The following HLCS variants were observed in gnomAD, a reference collection of about 807,000 sequenced individuals.
The protein encoded by HLCS is biotin--protein ligase.
A neutral mutation model predicts 75.0 loss-of-function variants in HLCS; 53 were observed. The ratio of observed to expected loss-of-function variants is 0.71; its 90% CI spans 0.57 to 0.89. The LOEUF (loss-of-function observed/expected upper bound fraction) is 0.89. Ranked by LOEUF, HLCS falls within the 40% of genes least tolerant of loss-of-function variation. HLCS has a pLI of 0.00. For missense variants in HLCS, 966 were observed against 1,074.0 expected (o/e 0.90, Z 1.41); for synonymous variants, 431 against 428.6 (o/e 1.01, Z -0.07).
intron 6 of HLCS, among the ~76,000 whole-genome samples, chr21:36,872,044 T>C (rs2063787143): frequency 6.6e-6 from 1 of 152,208 alleles, no homozygotes; most frequent in African/African-American, 2.4e-5. Flanking sequence ...TATACTTGCT[T>C]TAGTACATAT....
chr21:36,854,109 T>G (rs1405105642), intron 6 of HLCS, among the ~76,000 whole-genome samples: 1 of 152,224 alleles, frequency 6.6e-6, no homozygotes, highest in Non-Finnish European at 1.5e-5. Context: ...GGTATGGCAT[T>G]TAAATTCATT....
intron 6 of HLCS, among the ~76,000 whole-genome samples, chr21:36,868,921 A>G (rs1169490131): frequency 1.3e-5 from 2 of 152,076 alleles, no homozygotes; most frequent in African/African-American, 4.8e-5. Context: ...GCCATCAGGT[A>G]TAGTACAACC....
At chr21:36,987,034 C>T (rs1185099108) in intron 1 of HLCS, among the ~76,000 whole-genome samples, 1 of 152,084 alleles carries the variant, frequency 6.6e-6, no homozygotes, top group Non-Finnish European at 1.5e-5. Flanking sequence ...CAAATTGTTC[C>T]AGGTTTGGCC....
At chr21:36,965,440 C>T (rs1240149655) in intron 1 of HLCS, among the ~76,000 whole-genome samples, 1 of 152,166 alleles carries the variant, frequency 6.6e-6, no homozygotes, top group East Asian at 1.9e-4. Context: ...CTATTGTTCC[C>T]TTTACAGCAA....
chr21:36,877,292 AT>A (rs2064019218), intron 6 of HLCS, among the ~76,000 whole-genome samples: 1 of 150,344 alleles, frequency 6.7e-6, no homozygotes, highest in African/African-American at 2.5e-5. Flanking sequence ...GTTAATTTTT[AT>A]TTTTTTCTCT....
chr21:36,930,429 T>A lies in HLCS; in HGVS notation c.1442A>T (p.His481Leu). 2.5e-6 allele frequency: 4 copies of A among 1,613,744 alleles called. No individual in the cohort carries two copies. The South Asian group carries it at 3.3e-5, about 13-fold the overall frequency. The stretch of plus-strand genomic sequence containing the variant: ...GTTGGAGCTGGGAGGTAGTTCTAAG[T>A]GCACCTGAAGGGGAAAGATAGCACT... ...RGGEAVLCQV[H>L]LELPPSSNIV... The change falls in exon 5 of 11, where the codon CAC (histidine) becomes CTC (leucine). Residue 481 changes from histidine to leucine, a missense_variant. Transcript: ENST00000674895.
intron 2 of HLCS, among the ~76,000 whole-genome samples, chr21:36,959,010 G>T (rs2068126927): frequency 6.6e-6 from 1 of 152,208 alleles, no homozygotes; most frequent in Non-Finnish European, 1.5e-5. Flanking sequence ...GAACCAGGGG[G>T]AGCTGGGAGC....
intron 6 of HLCS, among the ~76,000 whole-genome samples, chr21:36,890,108 G>A (rs1601642275): frequency 6.6e-6 from 1 of 152,178 alleles, no homozygotes; most frequent in East Asian, 1.9e-4. Context: ...TTGTGAAGAA[G>A]GTGCCTTGCT....
chr21:36,809,969 G>A (rs1044679469), intron 6 of HLCS, among the ~76,000 whole-genome samples: 1 of 152,186 alleles, frequency 6.6e-6, no homozygotes, highest in Non-Finnish European at 1.5e-5. Flanking sequence ...AGACTCTGAG[G>A]TGGGCTCAAG....
At chr21:36,805,385 G>A (rs2061331947) in intron 6 of HLCS, among the ~76,000 whole-genome samples, 2 of 152,190 alleles carry the variant, frequency 1.3e-5, no homozygotes, top group African/African-American at 4.8e-5. Flanking sequence ...CAGGCCGCAC[G>A]GAGTCCCGGG....
intron 6 of HLCS, among the ~76,000 whole-genome samples, chr21:36,888,053 G>A (rs2064547945): frequency 6.6e-6 from 1 of 152,062 alleles, no homozygotes; most frequent in African/African-American, 2.4e-5. Context: ...CAAACTTTAT[G>A]ACAGGTCTAA....
At chr21:36,864,957 C>T (rs1269791205) in intron 6 of HLCS, among the ~76,000 whole-genome samples, 1 of 152,136 alleles carries the variant, frequency 6.6e-6, no homozygotes, top group Non-Finnish European at 1.5e-5. Context: ...CCTTATCTAT[C>T]ATTAAAAAGT....
chr21:36,829,910 T>C (rs2062140767), intron 6 of HLCS, among the ~76,000 whole-genome samples: 1 of 152,180 alleles, frequency 6.6e-6, no homozygotes, highest in Non-Finnish European at 1.5e-5. Flanking sequence ...CGGCTGCACA[T>C]GCACAGGGTT....
chr21:36,843,282 T>TA (rs2062678253), intron 6 of HLCS, among the ~76,000 whole-genome samples: 1 of 151,734 alleles, frequency 6.6e-6, no homozygotes, highest in African/African-American at 2.4e-5. Context: ...CCACAAAAAA[T>TA]AAAAAATTAG....
chr21:36,803,295 C>T (rs554386055), intron 6 of HLCS, among the ~76,000 whole-genome samples: 9 of 152,292 alleles, frequency 5.9e-5, no homozygotes, highest in South Asian at 4.1e-4. Context: ...GAGGACAAAA[C>T]GTCCCCAGCT....
intron 6 of HLCS, among the ~76,000 whole-genome samples, chr21:36,813,679 A>C (rs1280085186): frequency 1.3e-5 from 2 of 152,206 alleles, no homozygotes; most frequent in African/African-American, 4.8e-5. Context: ...AAATGACATA[A>C]AAAGCAAAGA....
In HLCS at chr21:36,863,476, G is replaced by A. The variant is rs116689579; in HGVS notation, c.1892+33384C>T. Among the ~76,000 whole-genome samples the A allele has an allele frequency of 7.2e-3, 1,093 of 152,252 alleles. 15 individuals are homozygous for A. The highest frequency in any genetic ancestry group is 0.025 in the African/African-American group (1,049 of 41,536). ...AACAGAAAGCATGAGGGTCACAGGC[G>A]GGGTCACAGAAAGGGTCAAGGCTGG... On this transcript the variant is annotated intron_variant, in intron 6 of 10. Coordinates refer to ENST00000674895, the MANE Select transcript of HLCS (RefSeq NM_001352514.2).
intron 6 of HLCS, among the ~76,000 whole-genome samples, chr21:36,831,320 G>A (rs576651262): frequency 6.6e-6 from 1 of 152,274 alleles, no homozygotes; most frequent in African/African-American, 2.4e-5. Context: ...AAGGAAGTGG[G>A]AAGACATAGA....
chr21:36,985,274 A>G (rs965633245), intron 1 of HLCS, among the ~76,000 whole-genome samples: 1 of 152,248 alleles, frequency 6.6e-6, no homozygotes, highest in East Asian at 1.9e-4. Context: ...TTTAGCTGCC[A>G]TGTCTCTTTA....
Sources: allele counts gnomAD v4.1 joint callset (sites outside exome capture counted in the v4.1 genomes callset), GRCh38; gene constraint gnomAD v4.1.1; transcripts MANE v1.5; gene names NCBI Gene and HGNC (gene_info 2026-07-23, HGNC 2026-07-21).